THRB: variants seen among roughly 807,000 people sequenced by gnomAD.
THRB encodes thyroid hormone receptor beta, also known as nuclear receptor subfamily 1 group A member 2.
Under a neutral mutation model 47.8 loss-of-function variants are expected in THRB, and 12 were observed. The ratio of observed to expected loss-of-function variants is 0.25; its 90% CI spans 0.16 to 0.41. THRB has a LOEUF of 0.41. Among genes scored for constraint, THRB ranks in the 10% least tolerant of loss-of-function variants. THRB has a pLI of 1.00. For synonymous variants in THRB, 218 were observed against 212.2 expected, an observed-to-expected ratio of 1.03 and a Z score of -0.24; for missense variants, 348 against 589.2, an observed-to-expected ratio of 0.59 and a Z score of 4.24.
At chr3:24,208,477 C>G (rs1224560069) in intron 4 of THRB, among the ~76,000 whole-genome samples, 1 of 152,198 alleles carries the variant, frequency 6.6e-6, no homozygotes, top group African/African-American at 2.4e-5. Context: ...ACCAAAACAG[C>G]ATGGTACTGG....
intron 8 of THRB, among the ~76,000 whole-genome samples, chr3:24,142,326 A>G (rs531153709): frequency 6.6e-6 from 1 of 152,344 alleles, no homozygotes. Flanking sequence ...ATTTGCTGAC[A>G]TTGCTGTTAG....
At chr3:24,436,776 G>A (rs1172335881) in intron 1 of THRB, among the ~76,000 whole-genome samples, 2 of 152,118 alleles carry the variant, frequency 1.3e-5, no homozygotes, top group Non-Finnish European at 2.9e-5. Context: ...GAAATGCTCT[G>A]AGCACTTCTC....
intron 1 of THRB, among the ~76,000 whole-genome samples, chr3:24,384,473 T>C (rs754791897): frequency 1.3e-5 from 2 of 152,080 alleles, no homozygotes; most frequent in Non-Finnish European, 2.9e-5. Context: ...AGCAGAACAC[T>C]TGGGGGTGGA....
At chr3:24,283,939 A>T (rs2150877772) in intron 3 of THRB, among the ~76,000 whole-genome samples, 1 of 138,844 alleles carries the variant, frequency 7.2e-6, no homozygotes, top group East Asian at 2.2e-4. Context: ...GAGGATACAA[A>T]CAAATGGAAG....
chr3:24,440,128 C>T (rs2071387461), intron 1 of THRB, among the ~76,000 whole-genome samples: 1 of 152,182 alleles, frequency 6.6e-6, no homozygotes, highest in Non-Finnish European at 1.5e-5. Flanking sequence ...CTCACCCCAA[C>T]TTTAGTTTCT....
intron 3 of THRB, among the ~76,000 whole-genome samples, chr3:24,235,397 A>G (rs9863278): frequency 0.02 from 3,040 of 152,178 alleles, 93 homozygotes; most frequent in African/African-American, 0.066. Flanking sequence ...TGTGCACTGA[A>G]TCAAAACATG....
intron 5 of THRB, among the ~76,000 whole-genome samples, chr3:24,180,842 C>G (rs572778449): frequency 6.6e-6 from 1 of 152,326 alleles, no homozygotes; most frequent in African/African-American, 2.4e-5. Flanking sequence ...TGCAATGCCA[C>G]TATCAGAGGC....
intron 4 of THRB, among the ~76,000 whole-genome samples, chr3:24,195,456 TC>T (rs1449280587): frequency 1.3e-5 from 2 of 152,232 alleles, no homozygotes; most frequent in Non-Finnish European, 2.9e-5. Flanking sequence ...ACTTACTACC[TC>T]ATTTAATTTT....
At chr3:24,235,336 C>T (rs954633074) in intron 3 of THRB, among the ~76,000 whole-genome samples, 1 of 152,102 alleles carries the variant, frequency 6.6e-6, no homozygotes, top group African/African-American at 2.4e-5. Flanking sequence ...TAAAAATTAC[C>T]TCATGAAAAA....
At chr3:24,147,609 C>T (rs1436224040) in intron 6 of THRB, among the ~76,000 whole-genome samples, 1 of 152,134 alleles carries the variant, frequency 6.6e-6, no homozygotes, top group Non-Finnish European at 1.5e-5. Context: ...GTTTGGGTGA[C>T]TTAGGTAATA....
At chr3:24,193,366 A>G (rs2043582012) in intron 4 of THRB, among the ~76,000 whole-genome samples, 1 of 152,158 alleles carries the variant, frequency 6.6e-6, no homozygotes, top group East Asian at 1.9e-4. Flanking sequence ...GCATGCATAG[A>G]TCTATCAAGT....
chr3:24,303,541 T>C (rs1379263352), intron 2 of THRB, among the ~76,000 whole-genome samples: 2 of 152,208 alleles, frequency 1.3e-5, no homozygotes, highest in Non-Finnish European at 2.9e-5. Context: ...GATCTATAGC[T>C]GACCACAGAC....
intron 3 of THRB, among the ~76,000 whole-genome samples, chr3:24,255,135 G>A (rs546074007): frequency 3.9e-5 from 6 of 152,100 alleles, no homozygotes; most frequent in Admixed American, 3.9e-4. Flanking sequence ...CTTGGTTACT[G>A]GAAAGTCTGT....
intron 3 of THRB, among the ~76,000 whole-genome samples, chr3:24,269,862 A>C (rs571542153): frequency 6.6e-6 from 1 of 152,278 alleles, no homozygotes; most frequent in South Asian, 2.1e-4. Context: ...TGTAATTTTT[A>C]AATTTTGACA....
chr3:24,180,791 G>A (rs2041797110), intron 5 of THRB, among the ~76,000 whole-genome samples: 1 of 152,182 alleles, frequency 6.6e-6, no homozygotes, highest in Non-Finnish European at 1.5e-5. Flanking sequence ...CAGGTTGTAA[G>A]CACAGGTGAT....
chr3:24,219,183 G>A (rs768179170), intron 4 of THRB, among the ~76,000 whole-genome samples: 2 of 152,140 alleles, frequency 1.3e-5, no homozygotes, highest in Non-Finnish European at 2.9e-5. Flanking sequence ...AGGCTAAGAT[G>A]GGAGGATTAA....
chr3:24,294,097 A>G (rs927088066), intron 3 of THRB, among the ~76,000 whole-genome samples: 1 of 152,110 alleles, frequency 6.6e-6, no homozygotes, highest in African/African-American at 2.4e-5. Context: ...GTGGCTTGAG[A>G]CTATGTTTTA....
intron 2 of THRB, among the ~76,000 whole-genome samples, chr3:24,335,872 G>A (rs1576935802): frequency 6.6e-6 from 1 of 152,252 alleles, no homozygotes; most frequent in Admixed American, 6.5e-5. Context: ...ATTGGGAGGT[G>A]CCCCCAGTTT....
At chr3:24,226,966 C>T (rs1026859471) in intron 4 of THRB, among the ~76,000 whole-genome samples, 1 of 152,090 alleles carries the variant, frequency 6.6e-6, no homozygotes, top group Admixed American at 6.5e-5. Context: ...AATTGCCAGC[C>T]CCTGATCCAG....
Sources: gnomAD v4.1 joint callset for allele counts (sites outside exome capture counted in the v4.1 genomes callset) on GRCh38, gnomAD v4.1.1 for gene constraint, MANE v1.5 for transcripts, NCBI Gene and HGNC (gene_info 2026-07-23, HGNC 2026-07-21) for gene names.